SNRPN: variants seen among roughly 807,000 people sequenced by gnomAD.
The protein encoded by SNRPN is small nuclear ribonucleoprotein polypeptide N, also known as small nuclear ribonucleoprotein-associated protein N.
SNRPN carries 7 observed loss-of-function variants against 25.2 expected under a neutral mutation model. That is an observed-to-expected ratio of 0.28 (90% CI 0.16 to 0.52). The LOEUF is 0.52. Among genes scored for constraint, SNRPN ranks in the 20% least tolerant of loss-of-function variants. The probability of loss-of-function intolerance (pLI) is 0.96; values close to 1 mark genes in which losing one functional copy is unlikely to be tolerated. For synonymous variants in SNRPN, 124 were observed against 110.6 expected (o/e 1.12, Z -0.76); for missense variants, 196 against 322.5 (o/e 0.61, Z 3.00).
At chr15:24,960,449 C>T (rs534344155) in intron 1 of SNRPN, among the ~76,000 whole-genome samples, 20 of 152,152 alleles carry the variant, frequency 1.3e-4, no homozygotes, top group Non-Finnish European at 2.5e-4. Context: ...CAAGCGCCCT[C>T]TCACCTTAGC....
chr15:24,888,241 T>G (rs1022221168), intron 2 of SNRPN, among the ~76,000 whole-genome samples: 6 of 151,550 alleles, frequency 4.0e-5, no homozygotes, highest in African/African-American at 1.5e-4. Flanking sequence ...CCCAAATAGC[T>G]GGGATTACAG....
intron 8 of SNRPN, 56 bp from the exon 9 acceptor site, chr15:24,978,137 T>A (rs1180709703): frequency 1.9e-6 from 3 of 1,572,322 alleles, no homozygotes; most frequent in Non-Finnish European, 1.7e-6. Context: ...TGGGCTAAAT[T>A]CTAACTTTTC....
intron 2 of SNRPN, chr15:24,966,908 C>T (rs559546079): frequency 1.3e-5 from 2 of 152,218 alleles, no homozygotes; most frequent in South Asian, 4.1e-4. Flanking sequence ...ATTTCACAGC[C>T]AGGTTACTGA....
rs1447551182 is a variant in SNRPN at position 24,824,652 on chromosome 15, T to C, written c.-687+802T>C. 3.3e-5 allele frequency among the ~76,000 whole-genome samples: 5 copies of C among 152,130 alleles called. 1 individual carries two copies. The highest frequency in any genetic ancestry group is 7.3e-5 in the Non-Finnish European group (5 of 68,044). ...GAGCAAACTACTTTTTTAATTTTTATATGTTCATTTTTATTGACTTAGTCA... is the reference window on the plus strand; with the variant it reads ...GAGCAAACTACTTTTTTAATTTTTACATGTTCATTTTTATTGACTTAGTCA... On this transcript the variant is annotated intron_variant, in intron 1 of 12. Coordinates refer to the SNRPN transcript ENST00000400100.
intron 2 of SNRPN, among the ~76,000 whole-genome samples, chr15:24,837,040 T>TCCA (rs1410587315): frequency 6.6e-6 from 1 of 152,008 alleles, no homozygotes; most frequent in East Asian, 1.9e-4. Flanking sequence ...CAGCTTAAAA[T>TCCA]CCTTAGTGTG....
chr15:24,935,340 G>A (rs2061156947), intron 3 of SNRPN, among the ~76,000 whole-genome samples: 2 of 152,112 alleles, frequency 1.3e-5, no homozygotes, highest in African/African-American at 2.4e-5. Flanking sequence ...AAGTACTGAT[G>A]TAGGGATTGT....
intron 2 of SNRPN, among the ~76,000 whole-genome samples, chr15:24,844,188 G>C: frequency 6.6e-6 from 1 of 151,806 alleles, no homozygotes; most frequent in East Asian, 1.9e-4. Flanking sequence ...GTGTATATAT[G>C]TATATATATC....
chr15:24,961,992 CTT>C, intron 1 of SNRPN, 120 bp from the exon 2 acceptor site: 2 of 897,318 alleles, frequency 2.2e-6, no homozygotes, highest in Non-Finnish European at 3.6e-6. Context: ...ATAATTTTAC[CTT>C]GTTTTAATTA....
At chr15:24,907,967 C>A (rs1003097872) in intron 2 of SNRPN, among the ~76,000 whole-genome samples, 8 of 139,950 alleles carry the variant, frequency 5.7e-5, no homozygotes, top group Admixed American at 8.0e-5. Context: ...GCAGGAGAAT[C>A]ACTTGAACCC....
At chr15:24,860,614 T>C (rs1240965051) in intron 1 of SNRPN, among the ~76,000 whole-genome samples, 1 of 152,160 alleles carries the variant, frequency 6.6e-6, no homozygotes, top group Non-Finnish European at 1.5e-5. Context: ...TAGCCTATCA[T>C]CCTTAAGTGT....
chr15:24,831,166 T>A (rs1306613935), intron 2 of SNRPN, among the ~76,000 whole-genome samples: 1 of 152,090 alleles, frequency 6.6e-6, no homozygotes, highest in Non-Finnish European at 1.5e-5. Context: ...GGAAAATCGA[T>A]CCCTTTATTA....
chr15:24,922,439 A>G (rs1241668568), intron 3 of SNRPN, among the ~76,000 whole-genome samples: 1 of 152,184 alleles, frequency 6.6e-6, no homozygotes, highest in Non-Finnish European at 1.5e-5. Context: ...ATTGCATACA[A>G]TACAGTACTG....
At chr15:24,862,130 G>C (rs960872028) in intron 1 of SNRPN, among the ~76,000 whole-genome samples, 3 of 40,750 alleles carry the variant, frequency 7.4e-5, no homozygotes, top group African/African-American at 1.2e-4. Context: ...GCTACCACTA[G>C]GCTAACGCTA....
intron 1 of SNRPN, among the ~76,000 whole-genome samples, chr15:24,881,831 A>C (rs61999128): frequency 0.047 from 7,228 of 152,170 alleles, 254 homozygotes; most frequent in Middle Eastern, 0.068. Flanking sequence ...CAGTTTTAGG[A>C]ATGTGTATGT....
At chr15:24,978,008 G>GGGAATAT in intron 8 of SNRPN, 92 bp downstream of exon 8, 1 of 1,303,404 alleles carries the variant, frequency 7.7e-7, no homozygotes, top group Non-Finnish European at 1.1e-6. Flanking sequence ...TAAGAATTTG[G>GGGAATAT]GGAATATGCT....
rs906191935 is a variant in SNRPN, at chr15:24,929,333, T to TC, written c.-391+9212dup. On this transcript the variant is annotated intron_variant, in intron 3 of 11. Coordinates refer to the SNRPN transcript ENST00000400097. This position sits in a 1 kb window ranked among gnomAD's most constrained non-coding sequence, Gnocchi z 5.3. ...TCACCCCATTTCTGTTTCATCTCTTTCCCTACTCTCCCCCTTGCCTCCTAG... is the reference window on the plus strand; with the variant it reads ...TCACCCCATTTCTGTTTCATCTCTTTCCCCTACTCTCCCCCTTGCCTCCTAG... Among the ~76,000 whole-genome samples the TC allele has an allele frequency of 9.2e-5, 14 of 152,260 alleles. No homozygotes were observed. The highest frequency in any genetic ancestry group is 2.9e-4 in the African/African-American group (12 of 41,558).
At chr15:24,898,152 A>C (rs2058192802) in intron 2 of SNRPN, among the ~76,000 whole-genome samples, 1 of 152,152 alleles carries the variant, frequency 6.6e-6, no homozygotes, top group South Asian at 2.1e-4. Flanking sequence ...TTGTGGGAGA[A>C]GCACTTGGAA....
chr15:24,895,625 C>T (rs1264952726), intron 2 of SNRPN, among the ~76,000 whole-genome samples: 1 of 152,082 alleles, frequency 6.6e-6, no homozygotes, highest in Non-Finnish European at 1.5e-5. Flanking sequence ...ACATATCTGG[C>T]TCATGAGATA....
chr15:24,868,303 T>C (rs2054782698), intron 1 of SNRPN, among the ~76,000 whole-genome samples: 1 of 152,142 alleles, frequency 6.6e-6, no homozygotes, highest in Non-Finnish European at 1.5e-5. Flanking sequence ...GAATTAACTG[T>C]AAATTTAGGG....
Sources: gnomAD v4.1 joint callset for allele counts (sites outside exome capture counted in the v4.1 genomes callset) on GRCh38, gnomAD v4.1.1 for gene constraint, Gnocchi (gnomAD v3.1) non-coding constraint, MANE v1.5 for transcripts, NCBI Gene and HGNC (gene_info 2026-07-23, HGNC 2026-07-21) for gene names.